Variants in MALRD1 observed in about 807,000 individuals in gnomAD.
The protein encoded by MALRD1 is MAM and LDL-receptor class A domain-containing protein 1.
Under a neutral mutation model 242.1 loss-of-function variants are expected in MALRD1, and 247 were observed. The ratio of observed to expected loss-of-function variants is 1.02; its 90% CI spans 0.92 to 1.13. MALRD1 has a LOEUF of 1.13. MALRD1 is among the 50% of genes most tolerant of loss of function. The pLI is 0.00. For synonymous variants in MALRD1, 995 were observed against 866.6 expected, an observed-to-expected ratio of 1.15 and a Z score of -2.60; for missense variants, 2,989 against 2,533.1, an observed-to-expected ratio of 1.18 and a Z score of -3.86.
intron 21 of MALRD1, among the ~76,000 whole-genome samples, chr10:19,307,804 T>A (rs948749494): frequency 1.3e-5 from 2 of 151,630 alleles, no homozygotes. Context: ...GTTGTTTCTT[T>A]CTTGAATATT....
intron 30 of MALRD1, among the ~76,000 whole-genome samples, chr10:19,495,492 A>G (rs1837673153): frequency 6.6e-6 from 1 of 152,058 alleles, no homozygotes; most frequent in Admixed American, 6.6e-5. Flanking sequence ...TTTCACATAC[A>G]GGCAAACTAA....
chr10:19,616,145 A>G lies in MALRD1; in HGVS notation c.6137+222A>G, dbSNP rs1839146008. 2.0e-5 allele frequency among the ~76,000 whole-genome samples: 3 copies of G among 151,996 alleles called. No individual in the cohort carries two copies. The South Asian group carries it at 6.2e-4, about 31-fold the overall frequency. On this transcript the variant is annotated intron_variant, in intron 36 of 39. Transcript: ENST00000454679. ...ATTATGATTGTGCATGTTTTTCAAC[A>G]TTTTATATGTGTAATATATAATTTT...
At chr10:19,340,258 C>G (rs902778636) in intron 24 of MALRD1, among the ~76,000 whole-genome samples, 3 of 152,064 alleles carry the variant, frequency 2.0e-5, no homozygotes, top group Admixed American at 6.6e-5. Flanking sequence ...AACATTTATC[C>G]CATGTGTTAC....
At chr10:19,126,107 A>T (rs1169890190) in intron 7 of MALRD1, among the ~76,000 whole-genome samples, 1 of 151,868 alleles carries the variant, frequency 6.6e-6, no homozygotes, top group African/African-American at 2.4e-5. Flanking sequence ...AGCTCCTGAT[A>T]TGTGCTGTAG....
chr10:19,151,533 T>G (rs1833943197), intron 11 of MALRD1, among the ~76,000 whole-genome samples: 1 of 152,158 alleles, frequency 6.6e-6, no homozygotes. Flanking sequence ...CTTTTGTTGT[T>G]TTATGTACTG....
intron 28 of MALRD1, among the ~76,000 whole-genome samples, chr10:19,422,437 C>T (rs534233575): frequency 5.3e-4 from 80 of 152,190 alleles, no homozygotes; most frequent in African/African-American, 1.7e-3. Context: ...ACATTTGCAT[C>T]AGTCATGGTA....
At chr10:19,701,350 G>T (rs777036890) in intron 38 of MALRD1, among the ~76,000 whole-genome samples, 1 of 152,104 alleles carries the variant, frequency 6.6e-6, no homozygotes, top group East Asian at 1.9e-4. Context: ...AAGTGGATGC[G>T]GCCCGGATAG....
chr10:19,731,492 T>TTGTGTGTGTGTGTGTGTG lies in MALRD1; in HGVS notation c.6390+722_6390+739dup, dbSNP rs199973822. 8.2e-4 allele frequency among the ~76,000 whole-genome samples: 120 copies of TTGTGTGTGTGTGTGTGTG among 146,986 alleles called. 1 individual carries two copies. The highest frequency in any genetic ancestry group is 7.5e-3 in the East Asian group (38 of 5,046). On this transcript the variant is annotated intron_variant, in intron 39 of 39. Transcript: ENST00000454679. ...TATCTATCACCTCACATAGTTTACT[T>TTGTGTGTGTGTGTGTGTG]TGTGTGTGTGTGTGTGTGTGTGTGT...
At chr10:19,211,251 G>T (rs1837046516) in intron 18 of MALRD1, among the ~76,000 whole-genome samples, 1 of 152,016 alleles carries the variant, frequency 6.6e-6, no homozygotes, top group Admixed American at 6.6e-5. Flanking sequence ...GAAACTTGAG[G>T]TTTGAGACCC....
chr10:19,554,979 C>T (rs1835651452), intron 32 of MALRD1, among the ~76,000 whole-genome samples: 1 of 152,150 alleles, frequency 6.6e-6, no homozygotes, highest in African/African-American at 2.4e-5. Flanking sequence ...TACTGTCTTA[C>T]ACAATGGCTG....
At chr10:19,407,405 G>T in intron 28 of MALRD1, among the ~76,000 whole-genome samples, 1 of 152,034 alleles carries the variant, frequency 6.6e-6, no homozygotes, top group East Asian at 1.9e-4. Flanking sequence ...TCACTGGAGC[G>T]CAGGAGTTCA....
chr10:19,620,970 T>G (rs1484955850), intron 36 of MALRD1, among the ~76,000 whole-genome samples: 4 of 151,064 alleles, frequency 2.6e-5, no homozygotes, highest in African/African-American at 9.8e-5. Context: ...GAAATTTCTC[T>G]CCAGTTTATA....
intron 32 of MALRD1, among the ~76,000 whole-genome samples, chr10:19,544,781 A>G (rs1347005705): frequency 1.3e-5 from 2 of 152,162 alleles, no homozygotes; most frequent in African/African-American, 2.4e-5. Context: ...TCATATTCAT[A>G]AAAATGACCA....
At chr10:19,644,410 C>T (rs912945267) in intron 36 of MALRD1, among the ~76,000 whole-genome samples, 1 of 6,112 alleles carries the variant, frequency 1.6e-4, no homozygotes, top group East Asian at 4.2e-3. Context: ...CTTACTGCAA[C>T]TGCCTTATCA....
chr10:19,294,066 G>T (rs1489911301), intron 21 of MALRD1, among the ~76,000 whole-genome samples: 1 of 152,076 alleles, frequency 6.6e-6, no homozygotes, highest in Non-Finnish European at 1.5e-5. Flanking sequence ...TCATAAAAAG[G>T]TCTATAAAAT....
At chr10:19,366,078 G>T (rs1395599364) in intron 26 of MALRD1, among the ~76,000 whole-genome samples, 1 of 151,942 alleles carries the variant, frequency 6.6e-6, no homozygotes, top group Non-Finnish European at 1.5e-5. Flanking sequence ...GGGGGAAGGG[G>T]TGGTTTAGGG....
At chr10:19,162,790 C>T (rs1834489469) in intron 12 of MALRD1, among the ~76,000 whole-genome samples, 1 of 151,982 alleles carries the variant, frequency 6.6e-6, no homozygotes, top group Non-Finnish European at 1.5e-5. Context: ...GCTACTATTC[C>T]ACCCAGCAAT....
chr10:19,379,433 G>T (rs1845745189), intron 26 of MALRD1, among the ~76,000 whole-genome samples: 1 of 151,990 alleles, frequency 6.6e-6, no homozygotes, highest in African/African-American at 2.4e-5. Flanking sequence ...AGCACTTATA[G>T]CTGTATGTTA....
rs557945303 is a variant in MALRD1 at position 19,692,559 on chromosome 10, G to C, written c.6314+5G>C. On this transcript the variant is annotated splice_donor_5th_base_variant and intron_variant, in intron 38 of 39. Coordinates refer to ENST00000454679, the MANE Select transcript of MALRD1 (RefSeq NM_001142308.3). Reference sequence around the variant, plus strand: ...AAACAGAAAGGTACCAATAAGGTAAGTGATGCCTTTAGTTGCTAAATGAAA... The same window carrying C: ...AAACAGAAAGGTACCAATAAGGTAACTGATGCCTTTAGTTGCTAAATGAAA... The C allele has an allele frequency of 3.3e-6, 5 of 1,529,390 alleles. No homozygotes were observed. The highest frequency in any genetic ancestry group is 4.4e-6 in the Non-Finnish European group (5 of 1,141,752). The allele number at this position is 1,529,390 out of a possible 1,614,324, so 94.7% of individuals were successfully genotyped here.
Sources: allele counts gnomAD v4.1 joint callset (sites outside exome capture counted in the v4.1 genomes callset), GRCh38; gene constraint gnomAD v4.1.1; transcripts MANE v1.5; gene names NCBI Gene and HGNC (gene_info 2026-07-23, HGNC 2026-07-21).